The following CEMIP2 variants were observed in gnomAD, a reference collection of about 807,000 sequenced individuals.
The protein encoded by CEMIP2 is cell surface hyaluronidase CEMIP2.
Under a neutral mutation model 146.9 loss-of-function variants are expected in CEMIP2, and 79 were observed. That is an observed-to-expected ratio of 0.54 (90% CI 0.45 to 0.65). CEMIP2 has a LOEUF of 0.65. Among genes scored for constraint, CEMIP2 ranks in the 30% least tolerant of loss-of-function variants. The probability of loss-of-function intolerance (pLI) is 0.00; values close to 1 mark genes in which losing one functional copy is unlikely to be tolerated. For synonymous variants in CEMIP2, 601 were observed against 606.3 expected (o/e 0.99, Z 0.13); for missense variants, 1,596 against 1,696.2 (o/e 0.94, Z 1.04).
intron 18 of CEMIP2, among the ~76,000 whole-genome samples, chr9:71,703,041 C>T (rs1444125507): frequency 1.3e-5 from 2 of 152,212 alleles, no homozygotes; most frequent in South Asian, 2.1e-4. Context: ...TTCTCTGCAA[C>T]TCACTGATGA....
intron 10 of CEMIP2, 146 bp from the exon 11 acceptor site, chr9:71,725,855 G>C: frequency 2.3e-6 from 2 of 864,586 alleles, no homozygotes; most frequent in Non-Finnish European, 3.4e-6. Flanking sequence ...ACAATAAAAA[G>C]TTGTACACAC....
At position 71,725,679 on chromosome 9, in the gene CEMIP2, C is replaced by T. The variant is rs755567097; in HGVS notation, c.2080G>A (p.Glu694Lys). 1 of 1,613,894 alleles carries T rather than the reference C, an allele frequency of 6.2e-7. No individual in the cohort carries two copies. Among genetic ancestry groups the T allele is most frequent in the South Asian group, 1.1e-5 (1 of 91,070 alleles). ...DAGIWYLFHK[E>K]PTGESSGLQL... Reference sequence around the variant, plus strand: ...AATCCACTGGATTCCCCAGTTGGTTCCTTGTGGAATAAATACCATATTCCA... The same window carrying T: ...AATCCACTGGATTCCCCAGTTGGTTTCTTGTGGAATAAATACCATATTCCA... Residue 694 changes from glutamate (E) to lysine (K), a missense_variant, in exon 11 of 24, where the codon GAA (glutamate) becomes AAA (lysine). Transcript: ENST00000377044.
In CEMIP2 at chr9:71,740,058, C is replaced by A. The variant is rs1823870552; in HGVS notation, c.1204+5G>T. The stretch of plus-strand genomic sequence containing the variant: ...CTTACAAGAGTATAAACTCTACTTG[C>A]CTACCTTCAATCCATTCACTATAAG... On this transcript the variant is annotated splice_donor_5th_base_variant and intron_variant, in intron 5 of 23. Transcript: ENST00000377044. 4 of 1,612,650 alleles carry A rather than the reference C, an allele frequency of 2.5e-6. No homozygotes were observed. The highest frequency in any genetic ancestry group is 3.3e-5 in the Admixed American group (2 of 59,770).
At position 71,700,115 on chromosome 9, in the gene CEMIP2, G is replaced by A. The variant is rs562002124; in HGVS notation, c.3377+527C>T. Among the ~76,000 whole-genome samples the A allele has an allele frequency of 5.9e-5, 9 of 152,304 alleles. No homozygotes were observed. The East Asian group carries it at 1.7e-3, about 29-fold the overall frequency. On this transcript the variant is annotated intron_variant, in intron 19 of 23. Coordinates refer to ENST00000377044, the MANE Select transcript of CEMIP2 (RefSeq NM_013390.3). ...ACCATAGCCCACAGGCTGAGAGACTGTAACTGGGTAAAAGCAGTCAAAACC... is the reference window on the plus strand; with the variant it reads ...ACCATAGCCCACAGGCTGAGAGACTATAACTGGGTAAAAGCAGTCAAAACC...
intron 6 of CEMIP2, among the ~76,000 whole-genome samples, chr9:71,732,870 C>T (rs551431254): frequency 6.6e-6 from 1 of 152,062 alleles, no homozygotes; most frequent in East Asian, 1.9e-4. Context: ...CCAGCCCCCA[C>T]CCACTGCCTG....
At chr9:71,725,841 A>G in intron 10 of CEMIP2, 132 bp from the exon 11 acceptor site, 1 of 1,021,470 alleles carries the variant, frequency 9.8e-7, no homozygotes, top group Non-Finnish European at 1.4e-6. Flanking sequence ...CAGGTTCAGA[A>G]TTGACAATAA....
At chr9:71,745,977 G>A (rs1252702385) in intron 3 of CEMIP2, among the ~76,000 whole-genome samples, 1 of 152,178 alleles carries the variant, frequency 6.6e-6, no homozygotes, top group East Asian at 1.9e-4. Flanking sequence ...CAGGGGTCTT[G>A]ATTTGAGTGA....
intron 1 of CEMIP2, among the ~76,000 whole-genome samples, chr9:71,755,981 A>C (rs1335451712): frequency 2.0e-5 from 3 of 149,302 alleles, no homozygotes; most frequent in East Asian, 1.9e-4. Context: ...AAAAAAAAAA[A>C]AAAAAAAAAC....
chr9:71,721,918 C>T (rs1389737999), intron 12 of CEMIP2, among the ~76,000 whole-genome samples: 1 of 152,164 alleles, frequency 6.6e-6, no homozygotes, highest in Non-Finnish European at 1.5e-5. Context: ...AGAAAGTAAC[C>T]TAGAGCCTGG....
intron 10 of CEMIP2, among the ~76,000 whole-genome samples, chr9:71,727,426 T>C (rs1363098923): frequency 6.6e-6 from 1 of 152,166 alleles, no homozygotes; most frequent in Non-Finnish European, 1.5e-5. Flanking sequence ...AATCAATGAA[T>C]GAAAACCTAA....
intron 11 of CEMIP2, among the ~76,000 whole-genome samples, 195 bp from the exon 12 acceptor site, chr9:71,722,710 C>A (rs1298977420): frequency 6.6e-6 from 1 of 151,158 alleles, no homozygotes; most frequent in Non-Finnish European, 1.5e-5. Flanking sequence ...TAACTCATTT[C>A]ACTCATTTAG....
At chr9:71,689,974 T>A in intron 22 of CEMIP2, 118 bp downstream of exon 22, 1 of 1,275,882 alleles carries the variant, frequency 7.8e-7, no homozygotes, top group African/African-American at 1.5e-5. Flanking sequence ...ATGAACACCT[T>A]GCATAGTGCC....
intron 17 of CEMIP2, among the ~76,000 whole-genome samples, chr9:71,708,001 A>G (rs909523995): frequency 1.1e-4 from 16 of 152,300 alleles, no homozygotes; most frequent in Admixed American, 1.0e-3. Context: ...CCTGGCTAAC[A>G]CGGTGAAACC....
intron 12 of CEMIP2, among the ~76,000 whole-genome samples, chr9:71,720,015 C>T (rs184836815): frequency 9.9e-5 from 15 of 152,250 alleles, no homozygotes; most frequent in Non-Finnish European, 1.8e-4. Flanking sequence ...CTTTGATACC[C>T]TTTATTTCCA....
intron 16 of CEMIP2, among the ~76,000 whole-genome samples, chr9:71,711,596 AAAAAAAAAAG>A (rs1822907144): frequency 6.7e-6 from 1 of 149,798 alleles, no homozygotes; most frequent in South Asian, 2.1e-4. Context: ...GCCTCAAAGA[AAAAAAAAAAG>A]AAAAGAAAAA....
At chr9:71,732,267 A>G in intron 7 of CEMIP2, 84 bp downstream of exon 7, 1 of 1,380,478 alleles carries the variant, frequency 7.2e-7, no homozygotes, top group South Asian at 1.4e-5. Context: ...ATCCATTTAT[A>G]TCTTGTTCCA....
intron 4 of CEMIP2, 54 bp from the exon 5 acceptor site, chr9:71,740,286 T>C (rs868169150): frequency 6.3e-7 from 1 of 1,583,356 alleles, no homozygotes; most frequent in South Asian, 1.1e-5. Flanking sequence ...ATTCACAAAA[T>C]CCCTGACAAA....
chr9:71,719,389 G>A (rs1823163536), intron 12 of CEMIP2, among the ~76,000 whole-genome samples: 1 of 152,322 alleles, frequency 6.6e-6, no homozygotes, highest in South Asian at 2.1e-4. Flanking sequence ...AAGGGAGACA[G>A]AATAGAGAGG....
At chr9:71,751,473 T>A (rs893568856) in intron 1 of CEMIP2, among the ~76,000 whole-genome samples, 8 of 152,130 alleles carry the variant, frequency 5.3e-5, no homozygotes, top group African/African-American at 1.9e-4. Context: ...GGGATCTAAG[T>A]ATTTGCAGCT....
Sources: gnomAD v4.1 joint callset for allele counts (sites outside exome capture counted in the v4.1 genomes callset) on GRCh38, gnomAD v4.1.1 for gene constraint, MANE v1.5 for transcripts, NCBI Gene and HGNC (gene_info 2026-07-23, HGNC 2026-07-21) for gene names.